RASGEF1A: variants seen among roughly 807,000 people sequenced by gnomAD.
RASGEF1A encodes the protein ras-GEF domain-containing family member 1A.
Under a neutral mutation model 56.4 loss-of-function variants are expected in RASGEF1A, and 18 were observed. That is an observed-to-expected ratio of 0.32 (90% CI 0.22 to 0.47). The LOEUF (loss-of-function observed/expected upper bound fraction) is 0.47. Ranked by LOEUF, RASGEF1A falls within the 20% of genes least tolerant of loss-of-function variation. RASGEF1A has a pLI of 1.00. For synonymous variants in RASGEF1A, 245 were observed against 242.6 expected (o/e 1.01, Z -0.09); for missense variants, 422 against 627.1 (o/e 0.67, Z 3.49).
At chr10:43,230,824 A>G (rs1163804586) in intron 1 of RASGEF1A, among the ~76,000 whole-genome samples, 1 of 152,160 alleles carries the variant, frequency 6.6e-6, no homozygotes, top group Non-Finnish European at 1.5e-5. Context: ...ACTTACTAGC[A>G]GCAAGAGTAC....
In RASGEF1A at chr10:43,199,821, C is replaced by T; in HGVS notation, c.757-53G>A. 2.1e-6 allele frequency: 3 copies of T among 1,461,108 alleles called. No homozygotes were observed. In the Admixed American group the frequency reaches 5.2e-5, roughly 25 times the overall value. The allele number at this position is 1,461,108 out of a possible 1,614,324, so 90.5% of individuals were successfully genotyped here. ...GGCCTGGAGGACCATGGCTGGACAACTTAGTCCCCACAGCTGGCCCTGGTC... is the reference window on the plus strand; with the variant it reads ...GGCCTGGAGGACCATGGCTGGACAATTTAGTCCCCACAGCTGGCCCTGGTC... On this transcript the variant is annotated intron_variant, in intron 6 of 12. Transcript: ENST00000395810.
In RASGEF1A at chr10:43,196,115, T is replaced by G. The variant is rs1452841691; in HGVS notation, c.*129A>C. 5 of 872,586 alleles carry G rather than the reference T, an allele frequency of 5.7e-6. No individual in the cohort carries two copies. The highest frequency in any genetic ancestry group is 8.8e-6 in the Non-Finnish European group (5 of 568,142). The allele number at this position is 872,586 out of a possible 1,614,324, so 54.1% of individuals were successfully genotyped here. ...GTTGATGCGTGAAATAATTACCATT[T>G]TTTTCTCATAAAAGTTATATACAAA... On this transcript the variant is annotated 3_prime_UTR_variant, in exon 13 of 13. Coordinates refer to ENST00000395810, the MANE Select transcript of RASGEF1A (RefSeq NM_145313.4). The surrounding 1 kb of genome is among the most constrained non-coding windows in gnomAD (Gnocchi z 4.6).
chr10:43,200,455 C>G (rs1839876372), intron 5 of RASGEF1A, among the ~76,000 whole-genome samples, 199 bp from the exon 6 acceptor site: 1 of 152,248 alleles, frequency 6.6e-6, no homozygotes, highest in African/African-American at 2.4e-5. Context: ...ACTGACACAG[C>G]ACTGCTGTGT....
Position 43,203,150 on chromosome 10 carries a change from A to T in RASGEF1A, c.321+148T>A, listed in dbSNP as rs368506776. ...CTGGCCCCACCCTGGACCCCATCCCACAGTCCCAGCCAGGCCAAGCCCCAA... is the reference window on the plus strand; with the variant it reads ...CTGGCCCCACCCTGGACCCCATCCCTCAGTCCCAGCCAGGCCAAGCCCCAA... On this transcript the variant is annotated intron_variant, in intron 3 of 12. Coordinates refer to ENST00000395810, the MANE Select transcript of RASGEF1A (RefSeq NM_145313.4). 5.7e-4 allele frequency: 47 copies of T among 82,322 alleles called. 1 individual carries two copies. In the East Asian group the frequency reaches 0.014, roughly 25 times the overall value. 5.1% of individuals were successfully genotyped at this position (82,322 alleles called of 1,614,324 possible).
Position 43,214,808 on chromosome 10 carries a change from AGGAGTTAG to A in RASGEF1A, c.-6-8694_-6-8687del, listed in dbSNP as rs1840112095. Among the ~76,000 whole-genome samples the A allele has an allele frequency of 2.6e-5, 4 of 152,196 alleles. No individual in the cohort carries two copies. The South Asian group carries it at 8.3e-4, about 32-fold the overall frequency. On this transcript the variant is annotated intron_variant, in intron 1 of 12. Coordinates refer to ENST00000395810, the MANE Select transcript of RASGEF1A (RefSeq NM_145313.4). ...TGCTTTGCTTTAAGTGTGCATCGTTAGGAGTTAGAGTGAGCTGTGTGCTGGCCATTCCA... is the reference window on the plus strand; with the variant it reads ...TGCTTTGCTTTAAGTGTGCATCGTTAAGTGAGCTGTGTGCTGGCCATTCCA...
chr10:43,236,361 G>A (rs1469627409), intron 1 of RASGEF1A, among the ~76,000 whole-genome samples: 1 of 152,234 alleles, frequency 6.6e-6, no homozygotes, highest in African/African-American at 2.4e-5. Flanking sequence ...GAGTGTACAT[G>A]TGTGCCTGAG....
intron 1 of RASGEF1A, among the ~76,000 whole-genome samples, chr10:43,250,822 G>C (rs986529552): frequency 3.3e-5 from 5 of 152,242 alleles, no homozygotes; most frequent in Non-Finnish European, 5.9e-5. Context: ...CCAGCTGGAA[G>C]GGGCAGAGAG....
chr10:43,250,523 C>T (rs1455977765), intron 1 of RASGEF1A, among the ~76,000 whole-genome samples: 1 of 152,232 alleles, frequency 6.6e-6, no homozygotes, highest in South Asian at 2.1e-4. Flanking sequence ...GCCCCCAGGC[C>T]GAGTGAATCA....
intron 1 of RASGEF1A, among the ~76,000 whole-genome samples, chr10:43,241,274 C>A (rs951806534): frequency 2.0e-5 from 3 of 152,038 alleles, no homozygotes; most frequent in Admixed American, 1.3e-4. Context: ...GGTCTATGAC[C>A]ATACTACCCT....
chr10:43,243,365 C>T (rs569745094), intron 1 of RASGEF1A, among the ~76,000 whole-genome samples: 147 of 148,568 alleles, frequency 9.9e-4, no homozygotes, highest in African/African-American at 3.5e-3. Context: ...GCGCCTCTGC[C>T]CAGCTGCCCC....
chr10:43,261,990 C>T (rs1416153314), intron 1 of RASGEF1A, among the ~76,000 whole-genome samples: 1 of 152,116 alleles, frequency 6.6e-6, no homozygotes, highest in Non-Finnish European at 1.5e-5. Context: ...GCATGTCTCC[C>T]CAGGCCCCAA....
In RASGEF1A at chr10:43,200,818, C is replaced by G. The variant is rs777786691; in HGVS notation, c.530G>C (p.Ser177Thr). The part of the protein sequence containing the change: ...QSLLLSLAAR[S>T]QLQELREKLR... ...CTTCTCTCGCAGTTCCTGGAGCTGG[C>G]TCCGGGCAGCCAAGGACAGCAACAG... The change falls in exon 5 of 13, where the codon AGC becomes ACC. Residue 177 changes from serine to threonine, a missense_variant. Transcript: ENST00000395810. The G allele has an allele frequency of 6.2e-7, 1 of 1,613,960 alleles. No homozygotes were observed. The highest frequency in any genetic ancestry group is 8.5e-7 in the Non-Finnish European group (1 of 1,180,032).
chr10:43,238,646 G>A (rs569340677), intron 1 of RASGEF1A, among the ~76,000 whole-genome samples: 8 of 152,326 alleles, frequency 5.3e-5, no homozygotes, highest in African/African-American at 1.7e-4. Flanking sequence ...GGGCAGGGGA[G>A]AGGCTGTCTG....
At chr10:43,197,246 C>G in intron 10 of RASGEF1A, 147 bp from the exon 11 acceptor site, 1 of 956,416 alleles carries the variant, frequency 1.0e-6, no homozygotes, top group Non-Finnish European at 1.6e-6. Flanking sequence ...ACGCTGACCC[C>G]GTGGCCATGG....
chr10:43,208,966 C>A, intron 1 of RASGEF1A: 4 of 985,534 alleles, frequency 4.1e-6, no homozygotes, highest in Non-Finnish European at 4.8e-6. Flanking sequence ...GATGACAGCA[C>A]TTCCACTGCG....
intron 1 of RASGEF1A, 37 bp from the exon 2 acceptor site, chr10:43,206,159 C>A (rs751030478): frequency 6.7e-7 from 1 of 1,503,294 alleles, no homozygotes; most frequent in Admixed American, 2.0e-5. Flanking sequence ...GCATCAAAGG[C>A]GCCTCCACAG....
intron 1 of RASGEF1A, among the ~76,000 whole-genome samples, chr10:43,235,143 A>C (rs1840414349): frequency 1.3e-5 from 2 of 152,252 alleles, no homozygotes. Context: ...CCATGCACTG[A>C]ATCACTCATG....
intron 8 of RASGEF1A, 33 bp downstream of exon 8, chr10:43,199,059 C>T: frequency 3.7e-6 from 6 of 1,606,554 alleles, no homozygotes; most frequent in Non-Finnish European, 5.1e-6. Flanking sequence ...GTGGGCCATG[C>T]AGCAGCCCCA....
At chr10:43,199,811 G>A (rs1839865315) in intron 6 of RASGEF1A, 43 bp from the exon 7 acceptor site, 1 of 1,535,590 alleles carries the variant, frequency 6.5e-7, no homozygotes, top group Admixed American at 1.7e-5. Flanking sequence ...GGAGGACCAT[G>A]GCTGGACAAC....
Sources: gnomAD v4.1 joint callset for allele counts (sites outside exome capture counted in the v4.1 genomes callset) on GRCh38, gnomAD v4.1.1 for gene constraint, Gnocchi (gnomAD v3.1) non-coding constraint, MANE v1.5 for transcripts, NCBI Gene and HGNC (gene_info 2026-07-23, HGNC 2026-07-21) for gene names.